Variants in MDGA2 observed in about 807,000 individuals in gnomAD.
MDGA2 encodes the protein MAM domain containing glycosylphosphatidylinositol anchor 2.
MDGA2 carries 40 observed loss-of-function variants against 117.8 expected under a neutral mutation model. That is an observed-to-expected ratio of 0.34 (90% confidence interval 0.26 to 0.44). The LOEUF is 0.44. MDGA2 is among the 20% of genes least tolerant of loss of function. The pLI is 1.00. For missense variants in MDGA2, 1,123 were observed against 1,250.6 expected (o/e 0.90, Z 1.54); for synonymous variants, 452 against 439.0 (o/e 1.03, Z -0.37).
intron 1 of MDGA2, among the ~76,000 whole-genome samples, chr14:47,372,053 T>C (rs1891371889): frequency 2.0e-5 from 3 of 151,862 alleles, no homozygotes; most frequent in African/African-American, 7.2e-5. Flanking sequence ...AAGCAAAAAA[T>C]GTTGGATATT....
At chr14:47,506,995 T>TA in intron 1 of MDGA2, among the ~76,000 whole-genome samples, 1 of 136,942 alleles carries the variant, frequency 7.3e-6, no homozygotes, top group East Asian at 2.0e-4. Context: ...GGCTGCTTAC[T>TA]TTTTTTTTTT....
chr14:47,270,869 A>C (rs1397519568), intron 2 of MDGA2, among the ~76,000 whole-genome samples: 1 of 152,160 alleles, frequency 6.6e-6, no homozygotes, highest in East Asian at 1.9e-4. Flanking sequence ...TTTGACTTTC[A>C]AAACAAAAGA....
At chr14:47,521,224 A>G (rs1432339223) in intron 1 of MDGA2, among the ~76,000 whole-genome samples, 1 of 152,182 alleles carries the variant, frequency 6.6e-6, no homozygotes, top group Non-Finnish European at 1.5e-5. Flanking sequence ...ATTATTGAAT[A>G]AGAAACTAGA....
intron 10 of MDGA2, among the ~76,000 whole-genome samples, chr14:46,911,521 A>G (rs559952516): frequency 3.2e-4 from 48 of 152,368 alleles, no homozygotes; most frequent in African/African-American, 1.1e-3. Context: ...GGATGACTCC[A>G]CATTTCAAGA....
At chr14:47,277,619 T>C (rs1888348594) in intron 2 of MDGA2, among the ~76,000 whole-genome samples, 1 of 152,174 alleles carries the variant, frequency 6.6e-6, no homozygotes, top group South Asian at 2.1e-4. Flanking sequence ...ATATTAACTA[T>C]GAGAAATTGA....
intron 1 of MDGA2, among the ~76,000 whole-genome samples, chr14:47,612,699 C>G (rs1896874769): frequency 6.6e-6 from 1 of 152,096 alleles, no homozygotes; most frequent in African/African-American, 2.4e-5. Context: ...GCTATCTATA[C>G]TTTGTTTTTT....
intron 3 of MDGA2, among the ~76,000 whole-genome samples, chr14:47,155,086 A>G (rs1290614764): frequency 6.6e-6 from 1 of 152,124 alleles, no homozygotes; most frequent in Non-Finnish European, 1.5e-5. Context: ...CTCTCCACTG[A>G]GAGCTGTACA....
chr14:47,200,002 GAA>G (rs1885430756), intron 3 of MDGA2, among the ~76,000 whole-genome samples: 1 of 100,368 alleles, frequency 1.0e-5, no homozygotes, highest in Non-Finnish European at 2.2e-5. Context: ...CAAATGCAAT[GAA>G]TAAGGGTAAA....
chr14:47,068,945 C>G (rs536946953), intron 6 of MDGA2, among the ~76,000 whole-genome samples: 2 of 152,218 alleles, frequency 1.3e-5, no homozygotes, highest in African/African-American at 4.8e-5. Context: ...GCCCCTTCTG[C>G]CAACCTCTCT....
intron 2 of MDGA2, among the ~76,000 whole-genome samples, chr14:47,220,606 ATACC>A (rs10611419): frequency 0.22 from 33,068 of 152,004 alleles, 4,034 homozygotes; most frequent in East Asian, 0.32. Flanking sequence ...CCATGGAGTT[ATACC>A]TACCTAACCT....
chr14:46,993,437 A>G (rs1333907178), intron 8 of MDGA2, among the ~76,000 whole-genome samples: 2 of 149,942 alleles, frequency 1.3e-5, no homozygotes, highest in African/African-American at 4.9e-5. Flanking sequence ...TTACAAAATT[A>G]TCACTTTTTT....
chr14:47,342,869 CT>C, intron 1 of MDGA2: 1 of 373,580 alleles, frequency 2.7e-6, no homozygotes, highest in South Asian at 2.0e-5. Context: ...CACTTAAAGG[CT>C]AGGTTCCGTG....
intron 2 of MDGA2, among the ~76,000 whole-genome samples, chr14:47,265,769 A>T (rs979942275): frequency 6.6e-6 from 1 of 152,134 alleles, no homozygotes; most frequent in Admixed American, 6.5e-5. Context: ...CTATAATCTT[A>T]TCTCACATTA....
chr14:47,266,039 A>G (rs886141757), intron 2 of MDGA2, among the ~76,000 whole-genome samples: 1 of 152,284 alleles, frequency 6.6e-6, no homozygotes, highest in Non-Finnish European at 1.5e-5. Context: ...CATAATCCTC[A>G]TATGTTACCT....
At position 47,588,301 on chromosome 14, in the gene MDGA2, A is replaced by G. The variant is rs568943730; in HGVS notation, c.280+86216T>C. On this transcript the variant is annotated intron_variant, in intron 1 of 16. Coordinates refer to ENST00000399232, the MANE Select transcript of MDGA2 (RefSeq NM_001113498.3). ...ACACACACACACAAATTGGTGGCTC[A>G]TAAGTAATTTAATGATTAACATTTT... Among the ~76,000 whole-genome samples, 21 of 148,622 alleles carry G rather than the reference A, an allele frequency of 1.4e-4. No homozygotes were observed. The South Asian group carries it at 4.4e-3, about 31-fold the overall frequency.
rs1555340443 is a variant in MDGA2, at chr14:46,982,734, A to AAT, written c.1820-25092_1820-25091insAT. Among the ~76,000 whole-genome samples the AAT allele has an allele frequency of 4.2e-4, 55 of 130,400 alleles. 1 individual carries two copies. The highest frequency in any genetic ancestry group is 7.6e-4 in the Non-Finnish European group (45 of 59,230). 85.5% of individuals were successfully genotyped at this position (130,400 alleles called of 152,430 possible). ...AAAAAAAAAAAAAAAAAAAAAAAAAAAATCATGTCATCTGCAACCAGGGAC... is the reference window on the plus strand; with the variant it reads ...AAAAAAAAAAAAAAAAAAAAAAAAAAATAATCATGTCATCTGCAACCAGGGAC... On this transcript the variant is annotated intron_variant, in intron 8 of 16. Transcript: ENST00000399232.
intron 6 of MDGA2, among the ~76,000 whole-genome samples, chr14:47,095,271 T>A (rs1225456825): frequency 6.6e-6 from 1 of 151,964 alleles, no homozygotes; most frequent in East Asian, 1.9e-4. Context: ...CTATTAGTAA[T>A]CATGACCTGA....
At chr14:47,416,713 G>C (rs1029175566) in intron 1 of MDGA2, among the ~76,000 whole-genome samples, 4 of 152,168 alleles carry the variant, frequency 2.6e-5, no homozygotes, top group Non-Finnish European at 4.4e-5. Flanking sequence ...TGCACCAGGA[G>C]AGATGGCACT....
intron 1 of MDGA2, among the ~76,000 whole-genome samples, chr14:47,641,498 G>T (rs1897422669): frequency 1.3e-5 from 2 of 152,014 alleles, no homozygotes; most frequent in Admixed American, 6.6e-5. Flanking sequence ...TAGAGAAAAA[G>T]GGAAAGGAGA....
Sources: allele counts gnomAD v4.1 joint callset (sites outside exome capture counted in the v4.1 genomes callset), GRCh38; gene constraint gnomAD v4.1.1; transcripts MANE v1.5; gene names NCBI Gene and HGNC (gene_info 2026-07-23, HGNC 2026-07-21).